Variants in MYOM1 observed in about 807,000 individuals in gnomAD.
MYOM1 encodes myomesin 1.
In MYOM1, 164 loss-of-function variants were observed where a neutral mutation model predicts 205.3. The ratio of observed to expected loss-of-function variants is 0.80; its 90% CI spans 0.70 to 0.91. The LOEUF is 0.91. Among genes scored for constraint, MYOM1 ranks in the 40% least tolerant of loss-of-function variants. The probability of loss-of-function intolerance (pLI) is 0.00; values close to 1 mark genes in which losing one functional copy is unlikely to be tolerated. For missense variants in MYOM1, 2,011 were observed against 2,127.3 expected (o/e 0.95, Z 1.08); for synonymous variants, 772 against 789.4 (o/e 0.98, Z 0.37).
At chr18:3,111,034 C>G in intron 22 of MYOM1, among the ~76,000 whole-genome samples, 1 of 144,580 alleles carries the variant, frequency 6.9e-6, no homozygotes, top group African/African-American at 2.6e-5. Flanking sequence ...TCACTGCAAC[C>G]TCTGCCTCCT....
At position 3,134,665 on chromosome 18, in the gene MYOM1, G is replaced by A. The variant is rs766076271; in HGVS notation, c.2369C>T (p.Pro790Leu). Reference protein sequence around the residue: ...SGKWEPCNNNPVKGSRFTCHG... With the variant: ...SGKWEPCNNNLVKGSRFTCHG... ...ACTGAGTTACCGTGAGCCCTTCACG[G>A]GGTTGTTGTTACAGGGCTCCCACTT... The change falls in exon 16 of 38, where the codon CCC becomes CTC. Residue 790 changes from proline (P) to leucine (L), a missense_variant. By Grantham distance (98) the Pro-to-Leu change is moderately conservative. Transcript: ENST00000356443. 2 of 1,613,274 alleles carry A rather than the reference G, an allele frequency of 1.2e-6. No individual in the cohort carries two copies. Among genetic ancestry groups the A allele is most frequent in the East Asian group, 2.2e-5 (1 of 44,854 alleles).
chr18:3,095,385 A>G (rs1350491250), intron 25 of MYOM1, among the ~76,000 whole-genome samples: 4 of 152,150 alleles, frequency 2.6e-5, no homozygotes, highest in African/African-American at 9.7e-5. Context: ...CCTGGCCAAC[A>G]TGGTGAAACC....
intron 11 of MYOM1, 93 bp downstream of exon 11, chr18:3,154,854 A>T: frequency 7.1e-7 from 1 of 1,410,440 alleles, no homozygotes; most frequent in Non-Finnish European, 9.6e-7. Flanking sequence ...GGAAAGCCAG[A>T]AAAGAAAATA....
chr18:3,215,637 T>C (rs575131480), intron 1 of MYOM1, among the ~76,000 whole-genome samples: 6 of 152,210 alleles, frequency 3.9e-5, no homozygotes, highest in Non-Finnish European at 8.8e-5. Flanking sequence ...TTCTTATCTT[T>C]TCCGAAGAGT....
chr18:3,104,954 G>T (rs972203324), intron 22 of MYOM1, among the ~76,000 whole-genome samples: 8 of 151,982 alleles, frequency 5.3e-5, no homozygotes, highest in Admixed American at 2.0e-4. Flanking sequence ...TTGCCATGTT[G>T]GCCAGGCTGG....
intron 33 of MYOM1, among the ~76,000 whole-genome samples, chr18:3,083,049 T>G (rs997486997): frequency 1.3e-5 from 2 of 152,184 alleles, no homozygotes; most frequent in African/African-American, 2.4e-5. Flanking sequence ...ACCACAGATG[T>G]GTTAACCGTG....
intron 2 of MYOM1, among the ~76,000 whole-genome samples, chr18:3,214,670 G>T (rs7232192): frequency 1.3e-5 from 2 of 151,802 alleles, no homozygotes; most frequent in East Asian, 1.9e-4. Flanking sequence ...CTAAAAACAC[G>T]ACATGAGCCG....
rs1040296621 is a variant in MYOM1 at position 3,147,071 on chromosome 18, C to A, written c.1900+2074G>T. 8.2e-4 allele frequency among the ~76,000 whole-genome samples: 87 copies of A among 106,246 alleles called. No homozygotes were observed. The South Asian group carries it at 0.011, about 14-fold the overall frequency. The allele number at this position is 106,246 out of a possible 152,430, so 69.7% of individuals were successfully genotyped here. A position where few individuals can be genotyped will look rare whatever the true frequency, so the allele number is the denominator to read the frequency against. The stretch of plus-strand genomic sequence containing the variant: ...TTATATATTATATATAAATATATAT[C>A]TTATATATAAATATTATACATTATA... On this transcript the variant is annotated intron_variant, in intron 13 of 37. Coordinates refer to ENST00000356443, the MANE Select transcript of MYOM1 (RefSeq NM_003803.4).
chr18:3,193,355 T>TACAC (rs568716182), intron 3 of MYOM1, among the ~76,000 whole-genome samples: 49 of 99,798 alleles, frequency 4.9e-4, no homozygotes, highest in African/African-American at 1.3e-3. Context: ...TACATATATA[T>TACAC]ATATATACAC....
intron 13 of MYOM1, among the ~76,000 whole-genome samples, chr18:3,142,354 T>C (rs1180457993): frequency 1.3e-5 from 2 of 152,012 alleles, no homozygotes; most frequent in Non-Finnish European, 2.9e-5. Flanking sequence ...CCTGACCTTC[T>C]GGGCCCAAGT....
At chr18:3,212,170 C>T (rs1314494089) in intron 2 of MYOM1, among the ~76,000 whole-genome samples, 2 of 152,120 alleles carry the variant, frequency 1.3e-5, no homozygotes. Context: ...TGGCATTTTC[C>T]CTCCTCTTGT....
At position 3,112,324 on chromosome 18, in the gene MYOM1, C is replaced by A. The variant is rs761342329; in HGVS notation, c.3392G>T (p.Gly1131Val). ...AGVGKPSDLA[G>V]PVVAETRPGT... The stretch of plus-strand genomic sequence containing the variant: ...TGGACGGGTCTCTGCCACAACAGGG[C>A]CAGCAAGGTCAGATGGCTTCCCAAC... The change falls in exon 22 of 38, where the codon GGC becomes GTC. Residue 1131 changes from glycine to valine, a missense_variant. Coordinates refer to ENST00000356443, the MANE Select transcript of MYOM1 (RefSeq NM_003803.4). 2 of 1,612,828 alleles carry A rather than the reference C, an allele frequency of 1.2e-6. No individual in the cohort carries two copies. The highest frequency in any genetic ancestry group is 1.7e-6 in the Non-Finnish European group (2 of 1,179,060).
the MYOM1 span, among the ~76,000 whole-genome samples, chr18:3,236,949 G>A: frequency 3.3e-5 from 5 of 152,184 alleles, no homozygotes; most frequent in Admixed American, 2.6e-4. Flanking sequence ...GGAAGCCAGA[G>A]AAGAAGGTAT....
At chr18:3,191,707 T>C (rs1567960205) in intron 3 of MYOM1, among the ~76,000 whole-genome samples, 1 of 150,902 alleles carries the variant, frequency 6.6e-6, no homozygotes, top group East Asian at 1.9e-4. Context: ...TTTTTTTTTT[T>C]CTTTTTGAGA....
At chr18:3,108,127 C>A (rs796248637) in intron 22 of MYOM1, among the ~76,000 whole-genome samples, 20 of 152,268 alleles carry the variant, frequency 1.3e-4, no homozygotes, top group African/African-American at 3.9e-4. Flanking sequence ...TAAAAAAATG[C>A]CCTTACTCAA....
chr18:3,175,161 T>C (rs2080619752), intron 6 of MYOM1, among the ~76,000 whole-genome samples: 1 of 152,208 alleles, frequency 6.6e-6, no homozygotes, highest in Non-Finnish European at 1.5e-5. Context: ...ACTGTTGCTT[T>C]AGCAGAACCA....
intron 22 of MYOM1, among the ~76,000 whole-genome samples, chr18:3,111,085 A>G (rs78182264): frequency 0.15 from 3 of 20 alleles, no homozygotes; most frequent in Non-Finnish European, 0.25. Flanking sequence ...CCGAGCAGCT[A>G]GGATTACAGG....
chr18:3,180,015 G>A (rs545705899), intron 5 of MYOM1, among the ~76,000 whole-genome samples: 65 of 152,242 alleles, frequency 4.3e-4, no homozygotes, highest in African/African-American at 1.5e-3. Context: ...GTATTCTGCA[G>A]GTCAGCAGTG....
chr18:3,101,989 ATTTTTTTTTTTTT>A (rs35882298), intron 23 of MYOM1, among the ~76,000 whole-genome samples: 5 of 55,850 alleles, frequency 9.0e-5, no homozygotes, highest in African/African-American at 3.3e-4. Flanking sequence ...TCAGTCTGGG[ATTTTTTTTTTTTT>A]TTTTTTTTTT....
Sources: allele counts gnomAD v4.1 joint callset (sites outside exome capture counted in the v4.1 genomes callset), GRCh38; gene constraint gnomAD v4.1.1; transcripts MANE v1.5; gene names NCBI Gene and HGNC (gene_info 2026-07-23, HGNC 2026-07-21).